ZNF438: variants seen among roughly 807,000 people sequenced by gnomAD.
ZNF438 encodes the protein zinc finger protein 438.
In ZNF438, 25 loss-of-function variants were observed where a neutral mutation model predicts 38.0. That is an observed-to-expected ratio of 0.66 (90% CI 0.48 to 0.92). The LOEUF is 0.92. ZNF438 is among the 40% of genes least tolerant of loss of function. The pLI is 0.00. For missense variants in ZNF438, 1,007 were observed against 999.6 expected, an observed-to-expected ratio of 1.01 and a Z score of -0.10; for synonymous variants, 372 against 364.1, an observed-to-expected ratio of 1.02 and a Z score of -0.25.
chr10:31,019,522 T>C (rs950220895), intron 1 of ZNF438, among the ~76,000 whole-genome samples: 1 of 152,184 alleles, frequency 6.6e-6, no homozygotes, highest in African/African-American at 2.4e-5. Context: ...GGCAAAAGAC[T>C]GGAAGAATAT....
chr10:30,937,821 T>C (rs2046408555), intron 2 of ZNF438, among the ~76,000 whole-genome samples: 1 of 152,210 alleles, frequency 6.6e-6, no homozygotes, highest in Admixed American at 6.5e-5. Context: ...TGACAAATCA[T>C]TTATCTTGGC....
chr10:30,854,905 A>C (rs2132944865), intron 4 of ZNF438, among the ~76,000 whole-genome samples: 1 of 152,324 alleles, frequency 6.6e-6, no homozygotes, highest in Middle Eastern at 3.4e-3. Context: ...GATGCAGCTG[A>C]AGCAACAACA....
chr10:30,972,710 CAGAG>C (rs1564768735), intron 1 of ZNF438, among the ~76,000 whole-genome samples: 1 of 152,102 alleles, frequency 6.6e-6, no homozygotes, highest in Non-Finnish European at 1.5e-5. Context: ...TCAATGATGA[CAGAG>C]AGAAAGCAGC....
intron 2 of ZNF438, chr10:30,910,244 T>C (rs1014185778): frequency 2.6e-5 from 4 of 152,280 alleles, no homozygotes; most frequent in Admixed American, 6.5e-5. Context: ...AAAGTGATCA[T>C]AGATTGAAGG....
At chr10:30,966,024 G>A (rs1471749198) in intron 1 of ZNF438, among the ~76,000 whole-genome samples, 1 of 152,092 alleles carries the variant, frequency 6.6e-6, no homozygotes, top group Non-Finnish European at 1.5e-5. Context: ...AAGTAATCTG[G>A]CAGTCTCATT....
chr10:31,009,022 T>C (rs778223826), intron 1 of ZNF438, among the ~76,000 whole-genome samples: 2 of 152,226 alleles, frequency 1.3e-5, no homozygotes, highest in African/African-American at 2.4e-5. Flanking sequence ...ACGTTGAGCA[T>C]CTTTTCGTGT....
At chr10:30,970,659 T>C (rs1279068677) in intron 1 of ZNF438, among the ~76,000 whole-genome samples, 1 of 152,192 alleles carries the variant, frequency 6.6e-6, no homozygotes, top group African/African-American at 2.4e-5. Context: ...AATACCCCTT[T>C]CTACCAATTC....
chr10:30,911,039 G>A lies in ZNF438; in HGVS notation c.-114-2024C>T, dbSNP rs1056690646. Among the ~76,000 whole-genome samples the A allele has an allele frequency of 9.2e-5, 14 of 152,064 alleles. No homozygotes were observed. The South Asian group carries it at 2.9e-3, about 32-fold the overall frequency. Reference sequence around the variant, plus strand: ...TTTCGTTTATGATTCACACTTCTCAGTTACATTAAATGAATCAAACTTTTA... The same window carrying A: ...TTTCGTTTATGATTCACACTTCTCAATTACATTAAATGAATCAAACTTTTA... On this transcript the variant is annotated intron_variant, in intron 2 of 5. Coordinates refer to ENST00000413025, the Ensembl canonical transcript of ZNF438.
rs140609153 is a variant in ZNF438, at chr10:30,998,847, T to G, written c.-192+32986A>C. On this transcript the variant is annotated intron_variant, in intron 1 of 5. Coordinates refer to ENST00000413025, the Ensembl canonical transcript of ZNF438. The stretch of plus-strand genomic sequence containing the variant: ...ATAGTTTACAGAGGGAATCCTTAAC[T>G]TTGAAGAACAAACACTTTGAAAACT... 1.2e-3 allele frequency among the ~76,000 whole-genome samples: 179 copies of G among 152,268 alleles called. 2 individuals carry two copies. The East Asian group carries it at 0.034, about 29-fold the overall frequency.
At chr10:30,849,315 G>A (rs1588733306) in exon 5 of ZNF438, 1 of 1,614,174 alleles carries the variant, frequency 6.2e-7, no homozygotes, top group South Asian at 1.1e-5. Context: ...AGTTTGGTGG[G>A]TGGACAAAAG....
intron 3 of ZNF438, among the ~76,000 whole-genome samples, chr10:30,895,865 A>C (rs2041260842): frequency 6.6e-6 from 1 of 152,238 alleles, no homozygotes; most frequent in Non-Finnish European, 1.5e-5. Context: ...AATGTTGGTG[A>C]GGATATGGAG....
chr10:30,935,041 T>C (rs1433885335), intron 2 of ZNF438, among the ~76,000 whole-genome samples: 1 of 152,244 alleles, frequency 6.6e-6, no homozygotes, highest in Non-Finnish European at 1.5e-5. Context: ...TGTTGTATTT[T>C]GCTTGAATTA....
At chr10:30,997,068 G>C (rs753496821) in intron 1 of ZNF438, among the ~76,000 whole-genome samples, 8 of 152,094 alleles carry the variant, frequency 5.3e-5, no homozygotes, top group Non-Finnish European at 1.2e-4. Flanking sequence ...GACATTTGTA[G>C]CTATAAATGC....
chr10:30,852,789 T>A (rs1209163321), intron 4 of ZNF438, among the ~76,000 whole-genome samples: 1 of 152,260 alleles, frequency 6.6e-6, no homozygotes, highest in African/African-American at 2.4e-5. Flanking sequence ...TGTTATTTGT[T>A]GTTTTCCTTC....
At chr10:30,891,210 T>G (rs186743105) in intron 3 of ZNF438, among the ~76,000 whole-genome samples, 195 of 152,340 alleles carry the variant, frequency 1.3e-3, no homozygotes, top group Non-Finnish European at 1.9e-3. Flanking sequence ...TTTCCTCATT[T>G]ACTTTGCTCT....
chr10:30,845,468 C>T (rs146438937), exon 6 of ZNF438: 16 of 1,614,056 alleles, frequency 9.9e-6, no homozygotes, highest in East Asian at 4.5e-5. Context: ...ATTTTATTTC[C>T]GCAAAAGACT....
At chr10:30,943,715 T>C (rs1004660707) in intron 1 of ZNF438, among the ~76,000 whole-genome samples, 14 of 152,138 alleles carry the variant, frequency 9.2e-5, no homozygotes, top group African/African-American at 3.1e-4. Flanking sequence ...AAAAGGGAGA[T>C]GGTAGTGAAA....
chr10:31,026,157 A>G, intron 1 of ZNF438, among the ~76,000 whole-genome samples: 1 of 152,218 alleles, frequency 6.6e-6, no homozygotes, highest in African/African-American at 2.4e-5. Context: ...CCTAGGCAAT[A>G]CCATTCAGGA....
At chr10:30,863,565 A>G (rs559566272) in intron 4 of ZNF438, among the ~76,000 whole-genome samples, 1 of 152,342 alleles carries the variant, frequency 6.6e-6, no homozygotes. Flanking sequence ...TTTAGTGATG[A>G]CTATGAAACC....
Sources: gnomAD v4.1 joint callset for allele counts (sites outside exome capture counted in the v4.1 genomes callset) on GRCh38, gnomAD v4.1.1 for gene constraint, MANE v1.5 for transcripts, NCBI Gene and HGNC (gene_info 2026-07-23, HGNC 2026-07-21) for gene names.